The following DSCAM variants were observed in gnomAD, a reference collection of about 807,000 sequenced individuals.
DSCAM encodes cell adhesion molecule DSCAM.
A neutral mutation model predicts 217.7 loss-of-function variants in DSCAM; 47 were observed. The ratio of observed to expected loss-of-function variants is 0.22; its 90% confidence interval spans 0.17 to 0.28. The LOEUF (loss-of-function observed/expected upper bound fraction) is 0.28. Ranked by LOEUF, DSCAM falls within the 10% of genes least tolerant of loss-of-function variation. The probability of loss-of-function intolerance (pLI) is 1.00; values close to 1 mark genes in which losing one functional copy is unlikely to be tolerated. For missense variants in DSCAM, 2,080 were observed against 2,618.3 expected (o/e 0.79, Z 4.49); for synonymous variants, 1,056 against 1,015.3 (o/e 1.04, Z -0.76).
chr21:40,725,115 T>C (rs2090940678), intron 1 of DSCAM, among the ~76,000 whole-genome samples: 1 of 152,230 alleles, frequency 6.6e-6, no homozygotes, highest in African/African-American at 2.4e-5. Context: ...AGAGACTGGC[T>C]CACTGGCTTC....
At chr21:40,538,326 C>T (rs77320819) in intron 3 of DSCAM, among the ~76,000 whole-genome samples, 3,457 of 152,170 alleles carry the variant, frequency 0.023, 140 homozygotes, top group African/African-American at 0.077. Context: ...CCAAGCACAG[C>T]AGGAAGCTAA....
intron 1 of DSCAM, among the ~76,000 whole-genome samples, chr21:40,760,858 C>T (rs956672864): frequency 6.6e-6 from 1 of 152,218 alleles, no homozygotes; most frequent in Non-Finnish European, 1.5e-5. Flanking sequence ...CCCTACCTTC[C>T]CAGCTGGGAC....
intron 3 of DSCAM, among the ~76,000 whole-genome samples, chr21:40,454,484 A>AT (rs1257352676): frequency 2.6e-5 from 4 of 152,244 alleles, no homozygotes; most frequent in Non-Finnish European, 4.4e-5. Context: ...CTAAAGCAGA[A>AT]AAAGCAATAT....
intron 28 of DSCAM, among the ~76,000 whole-genome samples, chr21:40,057,641 A>G (rs2089046847): frequency 6.6e-6 from 1 of 152,230 alleles, no homozygotes; most frequent in Non-Finnish European, 1.5e-5. Context: ...CACAGGAAGC[A>G]GGCTAAATAA....
chr21:40,265,206 GA>G (rs984974458), intron 11 of DSCAM, among the ~76,000 whole-genome samples: 38 of 137,832 alleles, frequency 2.8e-4, no homozygotes, highest in South Asian at 4.6e-4. Context: ...AAAAAAAAAA[GA>G]AAAAAAAAAG....
intron 16 of DSCAM, among the ~76,000 whole-genome samples, chr21:40,145,032 C>T (rs1437681336): frequency 3.9e-5 from 6 of 152,126 alleles, no homozygotes; most frequent in Non-Finnish European, 8.8e-5. Flanking sequence ...GGGTGTTGGG[C>T]CCCAGAGCCT....
intron 1 of DSCAM, among the ~76,000 whole-genome samples, chr21:40,795,677 T>C (rs1480314947): frequency 6.6e-6 from 1 of 152,174 alleles, no homozygotes; most frequent in African/African-American, 2.4e-5. Context: ...TAAAACAAAT[T>C]CAGAGAATAA....
At chr21:40,193,566 C>A (rs2090975775) in intron 11 of DSCAM, among the ~76,000 whole-genome samples, 1 of 152,184 alleles carries the variant, frequency 6.6e-6, no homozygotes, top group Admixed American at 6.5e-5. Context: ...CTACCATCAA[C>A]CCCCACGCCC....
At chr21:40,027,259 T>C (rs2146437902) in intron 32 of DSCAM, among the ~76,000 whole-genome samples, 1 of 152,428 alleles carries the variant, frequency 6.6e-6, no homozygotes, top group South Asian at 2.1e-4. Flanking sequence ...GTTAGTCTGA[T>C]GGGCTTCCCT....
At chr21:40,094,096 T>C (rs535813657) in intron 20 of DSCAM, among the ~76,000 whole-genome samples, 3 of 152,202 alleles carry the variant, frequency 2.0e-5, no homozygotes, top group African/African-American at 7.2e-5. Flanking sequence ...CAATAAATAA[T>C]TTACCCCTTT....
At chr21:40,216,196 C>A (rs1038896808) in intron 11 of DSCAM, among the ~76,000 whole-genome samples, 5 of 152,048 alleles carry the variant, frequency 3.3e-5, no homozygotes, top group African/African-American at 1.2e-4. Context: ...AACTCCTGGG[C>A]TCAAGTGATC....
intron 32 of DSCAM, among the ~76,000 whole-genome samples, chr21:40,039,826 TAAAAAGG>T (rs1455265849): frequency 6.6e-6 from 1 of 151,062 alleles, no homozygotes; most frequent in Non-Finnish European, 1.5e-5. Flanking sequence ...ACAGAAAAAA[TAAAAAGG>T]GAAAGAGAAA....
intron 11 of DSCAM, among the ~76,000 whole-genome samples, chr21:40,216,449 G>C (rs1434214824): frequency 2.0e-5 from 3 of 151,806 alleles, no homozygotes; most frequent in African/African-American, 7.3e-5. Flanking sequence ...ATATTAAACT[G>C]GTTGCTTTAT....
At chr21:40,031,616 G>A (rs1418542037) in intron 32 of DSCAM, among the ~76,000 whole-genome samples, 1 of 151,714 alleles carries the variant, frequency 6.6e-6, no homozygotes, top group African/African-American at 2.4e-5. Context: ...ATAGAAGATG[G>A]TCAGTCACCA....
intron 3 of DSCAM, among the ~76,000 whole-genome samples, chr21:40,632,852 C>T (rs1237983546): frequency 6.6e-6 from 1 of 152,166 alleles, no homozygotes; most frequent in Non-Finnish European, 1.5e-5. Context: ...CGAATCCCTT[C>T]AAGAGGCTGT....
chr21:40,325,335 A>G (rs2074305909), intron 8 of DSCAM, among the ~76,000 whole-genome samples: 1 of 152,180 alleles, frequency 6.6e-6, no homozygotes, highest in Non-Finnish European at 1.5e-5. Context: ...ATAGATAGAA[A>G]ATATATTGGA....
chr21:40,432,189 T>A lies in DSCAM; in HGVS notation c.509-62944A>T, dbSNP rs1468017568. ...TTCAGTCCGGGCAACAGCATGAGAC[T>A]CTGCCTCAAAAATAATAATAAAAAA... On this transcript the variant is annotated intron_variant, in intron 3 of 32. Transcript: ENST00000400454. Among the ~76,000 whole-genome samples the A allele has an allele frequency of 2.1e-5, 3 of 144,992 alleles. No individual in the cohort carries two copies. The Admixed American group carries it at 2.1e-4, about 10-fold the overall frequency.
In DSCAM at chr21:40,734,906, T is replaced by C. The variant is rs59763791; in HGVS notation, c.44-26135A>G. ...ATGTATTTATGTAGACAAACGTGAA[T>C]GTGCTTTTGGAAGAGAAGAGAGTAG... On this transcript the variant is annotated intron_variant, in intron 1 of 32. Coordinates refer to ENST00000400454, the MANE Select transcript of DSCAM (RefSeq NM_001389.5). Among the ~76,000 whole-genome samples the C allele has an allele frequency of 9.8e-3, 1,493 of 152,334 alleles. 24 individuals are homozygous for C. Among genetic ancestry groups the C allele is most frequent in the African/African-American group, 0.034 (1,434 of 41,572 alleles).
At chr21:40,691,504 A>G (rs535359691) in intron 3 of DSCAM, among the ~76,000 whole-genome samples, 1 of 152,342 alleles carries the variant, frequency 6.6e-6, no homozygotes, top group East Asian at 1.9e-4. Context: ...TCCATTTGCC[A>G]TTAAGACAAC....
Sources: allele counts gnomAD v4.1 joint callset (sites outside exome capture counted in the v4.1 genomes callset), GRCh38; gene constraint gnomAD v4.1.1; transcripts MANE v1.5; gene names NCBI Gene and HGNC (gene_info 2026-07-23, HGNC 2026-07-21).